The following RABGAP1L variants were observed in gnomAD, a reference collection of about 807,000 sequenced individuals.
RABGAP1L encodes the protein rab GTPase-activating protein 1-like.
In RABGAP1L, 63 loss-of-function variants were observed where a neutral mutation model predicts 137.7. The ratio of observed to expected loss-of-function variants is 0.46; its 90% CI spans 0.37 to 0.56. The LOEUF (loss-of-function observed/expected upper bound fraction) is 0.56, where lower values mean the gene tolerates loss of function less well. Among genes scored for constraint, RABGAP1L ranks in the 20% least tolerant of loss-of-function variants. The probability of loss-of-function intolerance (pLI) is 0.00; values close to 1 mark genes in which losing one functional copy is unlikely to be tolerated. For missense variants in RABGAP1L, 1,095 were observed against 1,244.0 expected (o/e 0.88, Z 1.80); for synonymous variants, 431 against 433.7 (o/e 0.99, Z 0.08).
rs565716414 is a variant in RABGAP1L, at chr1:174,428,123, A to G, written c.1710+33978A>G. 6.0e-4 allele frequency among the ~76,000 whole-genome samples: 91 copies of G among 152,198 alleles called. 1 individual carries two copies. The highest frequency in any genetic ancestry group is 9.3e-4 in the Non-Finnish European group (63 of 68,036). On this transcript the variant is annotated intron_variant, in intron 13 of 25. Transcript: ENST00000681986. ...CAGTATAATCTTGAGTAAGCCATAC[A>G]TCATTTTTATAAAGTTAGTAATGTC...
intron 11 of RABGAP1L, among the ~76,000 whole-genome samples, chr1:174,320,275 C>T (rs1679828485): frequency 6.6e-6 from 1 of 152,096 alleles, no homozygotes; most frequent in South Asian, 2.1e-4. Context: ...TCCTGGCAAC[C>T]AGTGATCTAT....
At chr1:174,885,440 C>T (rs1416023728) in intron 19 of RABGAP1L, among the ~76,000 whole-genome samples, 1 of 152,124 alleles carries the variant, frequency 6.6e-6, no homozygotes, top group South Asian at 2.1e-4. Flanking sequence ...TCACTGCTGC[C>T]TCAACCTCCT....
intron 13 of RABGAP1L, among the ~76,000 whole-genome samples, chr1:174,525,958 A>G (rs1230129150): frequency 2.0e-5 from 3 of 152,194 alleles, no homozygotes; most frequent in Non-Finnish European, 2.9e-5. Flanking sequence ...ATATTAAATC[A>G]TCTTTGGATC....
intron 19 of RABGAP1L, among the ~76,000 whole-genome samples, chr1:174,859,325 C>CA (rs1176772140): frequency 2.0e-5 from 3 of 151,340 alleles, no homozygotes; most frequent in South Asian, 2.1e-4. Context: ...ACTAAAAATA[C>CA]AAAAAAAATT....
intron 14 of RABGAP1L, among the ~76,000 whole-genome samples, chr1:174,680,233 A>G (rs1677954256): frequency 6.6e-6 from 1 of 152,230 alleles, no homozygotes; most frequent in Non-Finnish European, 1.5e-5. Context: ...TTGAAATGCT[A>G]ACCACCAAGG....
chr1:174,702,048 G>T, intron 16 of RABGAP1L, 65 bp from the exon 17 acceptor site: 1 of 1,479,832 alleles, frequency 6.8e-7, no homozygotes, highest in Non-Finnish European at 9.2e-7. Context: ...TGCAGTTGTG[G>T]CAGGAACTTC....
chr1:174,787,917 G>C (rs1687578088), intron 18 of RABGAP1L, among the ~76,000 whole-genome samples: 1 of 152,144 alleles, frequency 6.6e-6, no homozygotes, highest in African/African-American at 2.4e-5. Context: ...GGATATGTGA[G>C]ACAACGAATA....
chr1:174,948,509 C>CAAAAAAA (rs3086627), intron 19 of RABGAP1L, among the ~76,000 whole-genome samples: 2 of 64,892 alleles, frequency 3.1e-5, no homozygotes, highest in African/African-American at 1.3e-4. Context: ...GACCCTGCCT[C>CAAAAAAA]AAAAAAAAAA....
chr1:174,893,152 A>C, intron 19 of RABGAP1L: 1 of 228,298 alleles, frequency 4.4e-6, no homozygotes, highest in Non-Finnish European at 9.5e-6. Flanking sequence ...ATACTGCTTT[A>C]TACTGATATT....
chr1:174,837,392 CTTTG>C (rs1208740793), intron 19 of RABGAP1L, among the ~76,000 whole-genome samples: 15 of 152,032 alleles, frequency 9.9e-5, no homozygotes, highest in African/African-American at 3.4e-4. Context: ...TTGTTATCAC[CTTTG>C]TTTGATGAAT....
intron 18 of RABGAP1L, among the ~76,000 whole-genome samples, chr1:174,775,597 G>A (rs1267609252): frequency 1.3e-5 from 2 of 152,158 alleles, no homozygotes; most frequent in Non-Finnish European, 2.9e-5. Flanking sequence ...ACAGACGTGA[G>A]CCACTGTGCC....
intron 13 of RABGAP1L, among the ~76,000 whole-genome samples, chr1:174,455,653 A>G (rs906006588): frequency 1.3e-5 from 2 of 152,092 alleles, no homozygotes; most frequent in Non-Finnish European, 2.9e-5. Context: ...TAGATGGCGT[A>G]TTTTTATAGA....
chr1:174,489,962 G>A (rs528717098), intron 13 of RABGAP1L, among the ~76,000 whole-genome samples: 33 of 152,094 alleles, frequency 2.2e-4, no homozygotes, highest in Admixed American at 1.2e-3. Flanking sequence ...TTCAGTTCAT[G>A]TGATAGAATT....
At chr1:174,874,577 C>A in intron 19 of RABGAP1L, 2 of 526,998 alleles carry the variant, frequency 3.8e-6, no homozygotes, top group Non-Finnish European at 2.3e-6. Flanking sequence ...CACACCACTG[C>A]CTTTTTTTTT....
chr1:174,187,596 A>C (rs16846747), intron 1 of RABGAP1L, among the ~76,000 whole-genome samples: 9,202 of 152,206 alleles, frequency 0.06, 971 homozygotes, highest in African/African-American at 0.21. Flanking sequence ...GGGACATTTA[A>C]AAAAGTTTTC....
At chr1:174,981,600 C>T (rs1257951761) in intron 23 of RABGAP1L, among the ~76,000 whole-genome samples, 3 of 97,634 alleles carry the variant, frequency 3.1e-5, no homozygotes, top group Non-Finnish European at 5.5e-5. Flanking sequence ...AGGTCTTGCT[C>T]TGTCACCCAG....
At chr1:174,239,145 C>A (rs968903468) in intron 4 of RABGAP1L, among the ~76,000 whole-genome samples, 2 of 152,282 alleles carry the variant, frequency 1.3e-5, no homozygotes. Flanking sequence ...GTGCGCGCAC[C>A]AACTGGCCTG....
At chr1:174,663,398 T>G (rs1676534057) in intron 14 of RABGAP1L, among the ~76,000 whole-genome samples, 1 of 152,234 alleles carries the variant, frequency 6.6e-6, no homozygotes, top group Admixed American at 6.5e-5. Context: ...TAGTATATAC[T>G]GTAACATGCT....
chr1:174,688,281 A>G (rs1678626009), intron 15 of RABGAP1L, among the ~76,000 whole-genome samples: 1 of 152,070 alleles, frequency 6.6e-6, no homozygotes, highest in African/African-American at 2.4e-5. Context: ...TTTTTCTACA[A>G]TATTTATTGT....
Sources: allele counts gnomAD v4.1 joint callset (sites outside exome capture counted in the v4.1 genomes callset), GRCh38; gene constraint gnomAD v4.1.1; transcripts MANE v1.5; gene names NCBI Gene and HGNC (gene_info 2026-07-23, HGNC 2026-07-21).